Variants in ASTN1 observed in about 807,000 individuals in gnomAD.
ASTN1 encodes the protein astrotactin-1.
In ASTN1, 41 loss-of-function variants were observed where a neutral mutation model predicts 140.7. The observed-to-expected ratio is 0.29, with a 90% CI of 0.23 to 0.38. The LOEUF (loss-of-function observed/expected upper bound fraction) is 0.38, where lower values mean the gene tolerates loss of function less well. ASTN1 is among the 10% of genes least tolerant of loss of function. The pLI is 1.00. For missense variants in ASTN1, 1,479 were observed against 1,678.8 expected (o/e 0.88, Z 2.08); for synonymous variants, 640 against 652.2 (o/e 0.98, Z 0.29).
chr1:176,915,984 C>A (rs1033694294), intron 16 of ASTN1, among the ~76,000 whole-genome samples: 1 of 152,232 alleles, frequency 6.6e-6, no homozygotes. Flanking sequence ...GAAACTTGCC[C>A]ATTCTCAGTC....
At chr1:177,090,715 A>G (rs550548030) in intron 1 of ASTN1, among the ~76,000 whole-genome samples, 1 of 152,312 alleles carries the variant, frequency 6.6e-6, no homozygotes, top group African/African-American at 2.4e-5. Flanking sequence ...CATTGAGTCA[A>G]AGTACCTCTT....
At chr1:176,986,996 C>A (rs970618079) in intron 8 of ASTN1, among the ~76,000 whole-genome samples, 3 of 152,054 alleles carry the variant, frequency 2.0e-5, no homozygotes, top group African/African-American at 7.2e-5. Flanking sequence ...TTTTGACCCC[C>A]CTCTTAACTA....
At chr1:177,052,835 C>T (rs2102016859) in intron 2 of ASTN1, among the ~76,000 whole-genome samples, 1 of 152,276 alleles carries the variant, frequency 6.6e-6, no homozygotes, top group African/African-American at 2.4e-5. Flanking sequence ...ATTGGAGAAA[C>T]TGTCCAACTC....
chr1:177,016,591 G>A (rs1675557984), intron 7 of ASTN1, among the ~76,000 whole-genome samples: 1 of 152,192 alleles, frequency 6.6e-6, no homozygotes, highest in African/African-American at 2.4e-5. Context: ...GGCAAAAGAA[G>A]AGAGTACCAG....
chr1:176,984,450 G>A (rs1673790474), intron 8 of ASTN1, among the ~76,000 whole-genome samples: 1 of 152,178 alleles, frequency 6.6e-6, no homozygotes, highest in Non-Finnish European at 1.5e-5. Flanking sequence ...CGCACTGAAA[G>A]CTCACAGGCT....
intron 2 of ASTN1, among the ~76,000 whole-genome samples, chr1:177,048,211 G>A (rs1045245013): frequency 1.9e-4 from 29 of 152,266 alleles, no homozygotes; most frequent in African/African-American, 5.8e-4. Flanking sequence ...AGGTAAAGGC[G>A]CTGAATCTCC....
intron 1 of ASTN1, among the ~76,000 whole-genome samples, chr1:177,117,802 C>T (rs1264151321): frequency 6.6e-6 from 1 of 152,144 alleles, no homozygotes; most frequent in African/African-American, 2.4e-5. Flanking sequence ...CTGCCCTTCA[C>T]CTCTATACCT....
intron 1 of ASTN1, among the ~76,000 whole-genome samples, chr1:177,117,351 T>A (rs1250076005): frequency 6.6e-6 from 1 of 152,180 alleles, no homozygotes; most frequent in African/African-American, 2.4e-5. Flanking sequence ...ATCTCCTGCA[T>A]GAAACCCTTC....
intron 16 of ASTN1, among the ~76,000 whole-genome samples, chr1:176,911,208 G>A (rs1326678565): frequency 2.0e-5 from 3 of 152,132 alleles, no homozygotes; most frequent in African/African-American, 7.2e-5. Flanking sequence ...TACCGTGATT[G>A]GAGCTTCCAG....
intron 1 of ASTN1, among the ~76,000 whole-genome samples, chr1:177,101,119 A>G (rs1680282141): frequency 6.6e-6 from 1 of 152,148 alleles, no homozygotes; most frequent in Non-Finnish European, 1.5e-5. Context: ...TAAAAAAGTG[A>G]AAACCTAGCT....
At chr1:176,885,807 A>G (rs560559480) in intron 18 of ASTN1, among the ~76,000 whole-genome samples, 1 of 152,320 alleles carries the variant, frequency 6.6e-6, no homozygotes, top group East Asian at 1.9e-4. Context: ...GAAGCATATA[A>G]TTATACATGT....
At chr1:177,132,058 AAACATCCAAACCAT>A (rs1489800327) in intron 1 of ASTN1, among the ~76,000 whole-genome samples, 1 of 152,214 alleles carries the variant, frequency 6.6e-6, no homozygotes, top group African/African-American at 2.4e-5. Context: ...TGGAAGGGAC[AAACATCCAAACCAT>A]AGCAGGTTCC....
At chr1:176,967,840 T>C (rs1172795981) in intron 8 of ASTN1, among the ~76,000 whole-genome samples, 2 of 151,932 alleles carry the variant, frequency 1.3e-5, no homozygotes, top group African/African-American at 4.8e-5. Flanking sequence ...TGGAAGGATG[T>C]AGAGGAGTGC....
chr1:176,967,501 T>G (rs902726803), intron 8 of ASTN1, among the ~76,000 whole-genome samples: 1 of 152,240 alleles, frequency 6.6e-6, no homozygotes, highest in Non-Finnish European at 1.5e-5. Flanking sequence ...TACTGTCAGT[T>G]TAACATTTTA....
chr1:177,124,865 T>C (rs900625180), intron 1 of ASTN1, among the ~76,000 whole-genome samples: 3 of 152,200 alleles, frequency 2.0e-5, no homozygotes, highest in Non-Finnish European at 4.4e-5. Flanking sequence ...CATTTTCACA[T>C]GGGGCTATAG....
intron 8 of ASTN1, among the ~76,000 whole-genome samples, chr1:176,989,479 A>C (rs1243050072): frequency 6.6e-6 from 1 of 152,186 alleles, no homozygotes; most frequent in Non-Finnish European, 1.5e-5. Flanking sequence ...AACTCCATTA[A>C]ACTTTTGCAT....
At chr1:177,006,782 TC>T (rs1365299159) in intron 8 of ASTN1, among the ~76,000 whole-genome samples, 4 of 151,928 alleles carry the variant, frequency 2.6e-5, no homozygotes, top group African/African-American at 4.8e-5. Context: ...TGACAGAGCC[TC>T]CCCCCTCCTC....
At chr1:177,034,285 T>C (rs1233797206) in intron 2 of ASTN1, among the ~76,000 whole-genome samples, 1 of 133,434 alleles carries the variant, frequency 7.5e-6, no homozygotes, top group South Asian at 2.6e-4. Flanking sequence ...ACACACACAC[T>C]GCCACTTTCA....
chr1:176,946,344 T>C (rs989487682), intron 12 of ASTN1, among the ~76,000 whole-genome samples: 1 of 152,222 alleles, frequency 6.6e-6, no homozygotes, highest in African/African-American at 2.4e-5. Flanking sequence ...ACCTTTGCTG[T>C]GCAGAGAAGT....
Sources: allele counts gnomAD v4.1 joint callset (sites outside exome capture counted in the v4.1 genomes callset), GRCh38; gene constraint gnomAD v4.1.1; transcripts MANE v1.5; gene names NCBI Gene and HGNC (gene_info 2026-07-23, HGNC 2026-07-21).